The following VAX2 variants were observed in gnomAD, a reference collection of about 807,000 sequenced individuals.
VAX2 encodes ventral anterior homeobox 2.
In VAX2, 8 loss-of-function variants were observed where a neutral mutation model predicts 12.5. The ratio of observed to expected loss-of-function variants is 0.64; its 90% CI spans 0.37 to 1.15. The LOEUF (loss-of-function observed/expected upper bound fraction) is 1.15. VAX2 is among the 50% of genes most tolerant of loss of function. VAX2 has a pLI of 0.01. For missense variants in VAX2, 476 were observed against 412.9 expected, an observed-to-expected ratio of 1.15 and a Z score of -1.32; for synonymous variants, 183 against 187.6, an observed-to-expected ratio of 0.98 and a Z score of 0.20.
intron 1 of VAX2, among the ~76,000 whole-genome samples, chr2:70,907,297 G>T (rs1162374139): frequency 5.9e-5 from 9 of 152,262 alleles, no homozygotes; most frequent in African/African-American, 2.4e-5. Context: ...AGGCTGGAGC[G>T]GAGGTCTTGG....
rs1381141788 is a variant in VAX2 at position 70,917,179 on chromosome 2, G to A, written c.248-3919G>A. The stretch of plus-strand genomic sequence containing the variant: ...AAAAAAAAAAAAAAAAAAATCAGCC[G>A]CGCATGGTGGCAGGTGCCTGTAACC... On this transcript the variant is annotated intron_variant, in intron 1 of 2. Transcript: ENST00000234392. Among the ~76,000 whole-genome samples the A allele has an allele frequency of 3.0e-4, 40 of 134,760 alleles. 1 individual carries two copies. Among genetic ancestry groups the A allele is most frequent in the Admixed American group, 5.2e-4 (7 of 13,568 alleles). The allele number at this position is 134,760 out of a possible 152,430, so 88.4% of individuals were successfully genotyped here. A position where few individuals can be genotyped will look rare whatever the true frequency, so the allele number is the denominator to read the frequency against.
intron 2 of VAX2, among the ~76,000 whole-genome samples, chr2:70,922,356 G>A (rs3771390): frequency 2.7e-4 from 41 of 152,084 alleles, no homozygotes; most frequent in Middle Eastern, 3.4e-3. Context: ...GGAGCGAGGC[G>A]GGAGGCTGTG....
chr2:70,913,510 C>G (rs1177662452), intron 1 of VAX2, among the ~76,000 whole-genome samples: 2 of 151,978 alleles, frequency 1.3e-5, no homozygotes, highest in Non-Finnish European at 2.9e-5. Flanking sequence ...AACCCTGCCT[C>G]TACTAAAAAT....
rs35428207 is a variant in VAX2, at chr2:70,923,035, G to GTA, written c.435+1750_435+1751insTA. 2.6e-5 allele frequency among the ~76,000 whole-genome samples: 4 copies of GTA among 152,140 alleles called. No homozygotes were observed. The East Asian group carries it at 7.8e-4, about 30-fold the overall frequency. On this transcript the variant is annotated intron_variant, in intron 2 of 2. Coordinates refer to ENST00000234392, the MANE Select transcript of VAX2 (RefSeq NM_012476.3). ...AGACAGATAGTGTGTGTGTGTGTGT[G>GTA]CACGTGTGTGCATGTGTACATGTGT...
At chr2:70,909,052 T>C (rs1350214858) in intron 1 of VAX2, among the ~76,000 whole-genome samples, 3 of 152,270 alleles carry the variant, frequency 2.0e-5, no homozygotes, top group Admixed American at 2.0e-4. Context: ...AGAAACTCTA[T>C]GTATTGCTTT....
At chr2:70,925,626 G>C (rs1553413434) in intron 2 of VAX2, among the ~76,000 whole-genome samples, 2 of 152,200 alleles carry the variant, frequency 1.3e-5, no homozygotes, top group African/African-American at 4.8e-5. Flanking sequence ...GTCTCTGTCA[G>C]AGCTCTTTTG....
chr2:70,903,492 A>C (rs570205034), intron 1 of VAX2, among the ~76,000 whole-genome samples: 13 of 152,324 alleles, frequency 8.5e-5, no homozygotes, highest in African/African-American at 3.1e-4. Context: ...CTTGGGCACC[A>C]GAGTTAAGCA....
Position 70,933,198 on chromosome 2 carries a change from C to T in VAX2, c.867C>T (p.Asn289=). The change falls in exon 3 of 3, where the codon AAC becomes AAT. Residue 289 remains asparagine (N), a synonymous_variant. Transcript: ENST00000234392. ...GCGCCAGCAGCTGCAAGAAAGCTAA[C>T]ACTTAAGACTCCCACCCTGTGACAC... ...VGSASSCKKA[N]T The T allele has an allele frequency of 6.6e-7, 1 of 1,519,210 alleles. No homozygotes were observed. Among genetic ancestry groups the T allele is most frequent in the East Asian group, 2.3e-5 (1 of 43,544 alleles). 94.1% of individuals were successfully genotyped at this position (1,519,210 alleles called of 1,614,324 possible). A position where few individuals can be genotyped will look rare whatever the true frequency, so the allele number is the denominator to read the frequency against.
At chr2:70,906,478 C>CCTTAACAT (rs1679061469) in intron 1 of VAX2, among the ~76,000 whole-genome samples, 1 of 147,442 alleles carries the variant, frequency 6.8e-6, no homozygotes, top group Non-Finnish European at 1.5e-5. Flanking sequence ...TCCCCCGTGG[C>CCTTAACAT]CTTAACATCT....
rs1558664708 is a variant in VAX2, at chr2:70,933,050, C to CA, written c.720dup (p.Leu241ThrfsTer49). ...CTGTCCTCGGCCTCAGCGTCCCCCC[C>CA]ACTGCCGCCCCCTCTGCCAGCTGTC... is the stretch of plus-strand genomic sequence containing the variant. On this transcript the variant is annotated frameshift_variant, in exon 3 of 3. Coordinates refer to ENST00000234392, the MANE Select transcript of VAX2 (RefSeq NM_012476.3). LOFTEE classifies it low-confidence loss of function (END_TRUNC). The CA allele has an allele frequency of 1.2e-5, 20 of 1,603,162 alleles. No individual in the cohort carries two copies. The highest frequency in any genetic ancestry group is 1.6e-5 in the Non-Finnish European group (19 of 1,174,922).
intron 1 of VAX2, among the ~76,000 whole-genome samples, chr2:70,912,569 G>A (rs1553411363): frequency 6.6e-6 from 1 of 152,160 alleles, no homozygotes; most frequent in Non-Finnish European, 1.5e-5. Context: ...GGCTGAGGGA[G>A]GAGAATCGCT....
chr2:70,928,464 C>T lies in VAX2; in HGVS notation c.436-4303C>T, dbSNP rs118064335. ...CCCATATGTGGCCAAGAAACAAGCA[C>T]CCCTGGTCCCAGCCCCTGCTCCATC... On this transcript the variant is annotated intron_variant, in intron 2 of 2. Coordinates refer to ENST00000234392, the MANE Select transcript of VAX2 (RefSeq NM_012476.3). 1.1e-3 allele frequency among the ~76,000 whole-genome samples: 161 copies of T among 152,256 alleles called. 4 individuals carry two copies. In the East Asian group the frequency reaches 0.029, roughly 27 times the overall value.
chr2:70,921,233 T>C lies in VAX2; in HGVS notation c.383T>C (p.Val128Ala). 1 of 1,613,462 alleles carries C rather than the reference T, an allele frequency of 6.2e-7. No individual in the cohort carries two copies. Among genetic ancestry groups the C allele is most frequent in the Non-Finnish European group, 8.5e-7 (1 of 1,179,862 alleles). The change falls in exon 2 of 3, where the codon GTG becomes GCG. Residue 128 changes from valine (V) to alanine (A), a missense_variant. Val to Ala is a moderately conservative substitution (Grantham distance 64). Transcript: ENST00000234392. ...EMEFQRCQYV[V>A]GRERTELARQ... ...GAGTTCCAGCGCTGCCAGTATGTGG[T>C]GGGCCGCGAGCGCACTGAGCTGGCC...
intron 2 of VAX2, among the ~76,000 whole-genome samples, chr2:70,923,662 C>G (rs145284122): frequency 6.6e-6 from 1 of 152,260 alleles, no homozygotes; most frequent in East Asian, 1.9e-4. Flanking sequence ...AAACACCTCC[C>G]CTACACTTGC....
intron 1 of VAX2, among the ~76,000 whole-genome samples, chr2:70,901,742 C>T (rs1553409809): frequency 6.6e-6 from 1 of 152,248 alleles, no homozygotes; most frequent in African/African-American, 2.4e-5. Context: ...ATCTGGGCCT[C>T]GCCCGGCGAG....
In VAX2 at chr2:70,933,277, G is replaced by A. The variant is rs1015015858; in HGVS notation, c.*73G>A. On this transcript the variant is annotated 3_prime_UTR_variant, in exon 3 of 3. Coordinates refer to ENST00000234392, the MANE Select transcript of VAX2 (RefSeq NM_012476.3). ...CTCCTGTGCCCCAGCGGACAGCACT[G>A]AGCAGGCCCCGGAGAGGAGGGGCTG... The A allele has an allele frequency of 8.7e-5, 121 of 1,386,718 alleles. No individual in the cohort carries two copies. The highest frequency in any genetic ancestry group is 1.1e-4 in the Non-Finnish European group (114 of 1,059,602). The allele number at this position is 1,386,718 out of a possible 1,614,324, so 85.9% of individuals were successfully genotyped here. A position where few individuals can be genotyped will look rare whatever the true frequency, so the allele number is the denominator to read the frequency against.
chr2:70,926,514 T>C (rs1679576824), intron 2 of VAX2, among the ~76,000 whole-genome samples: 1 of 151,986 alleles, frequency 6.6e-6, no homozygotes, highest in Non-Finnish European at 1.5e-5. Flanking sequence ...AAAAGAAAGT[T>C]TGGTGTTTGA....
intron 1 of VAX2, among the ~76,000 whole-genome samples, chr2:70,919,704 T>C (rs1443949591): frequency 2.0e-5 from 3 of 150,522 alleles, no homozygotes; most frequent in Admixed American, 6.6e-5. Context: ...ATACAAAAAT[T>C]AGCAGGGCGT....
intron 2 of VAX2, among the ~76,000 whole-genome samples, chr2:70,925,151 C>A (rs782532300): frequency 1.3e-5 from 2 of 152,090 alleles, no homozygotes; most frequent in Non-Finnish European, 2.9e-5. Flanking sequence ...GAGGATCATG[C>A]GATGCTTAGA....
Sources: gnomAD v4.1 joint callset for allele counts (sites outside exome capture counted in the v4.1 genomes callset) on GRCh38, gnomAD v4.1.1 for gene constraint, MANE v1.5 for transcripts, NCBI Gene and HGNC (gene_info 2026-07-23, HGNC 2026-07-21) for gene names.